TSHZ2: variants seen among roughly 807,000 people sequenced by gnomAD.
TSHZ2 encodes the protein teashirt zinc finger homeobox 2.
In TSHZ2, 21 loss-of-function variants were observed where a neutral mutation model predicts 74.4. The ratio of observed to expected loss-of-function variants is 0.28; its 90% confidence interval spans 0.20 to 0.41. The LOEUF (loss-of-function observed/expected upper bound fraction) is 0.41. Among genes scored for constraint, TSHZ2 ranks in the 10% least tolerant of loss-of-function variants. The probability of loss-of-function intolerance (pLI) is 1.00; values close to 1 mark genes in which losing one functional copy is unlikely to be tolerated. For missense variants in TSHZ2, 1,244 were observed against 1,293.5 expected (o/e 0.96, Z 0.59); for synonymous variants, 540 against 515.3 (o/e 1.05, Z -0.65).
chr20:53,287,530 C>A lies in TSHZ2; in HGVS notation c.*8+30959C>A, dbSNP rs552911676. ...TGGGTTCAGAGGAATGAAACTGAAC[C>A]CACCGCATCCCACAGAGTGAGCAGC... On this transcript the variant is annotated intron_variant, in intron 2 of 2. Transcript: ENST00000371497. 1.6e-4 allele frequency among the ~76,000 whole-genome samples: 24 copies of A among 152,288 alleles called. No homozygotes were observed. In the South Asian group the frequency reaches 4.8e-3, roughly 30 times the overall value.
At chr20:53,169,976 T>A (rs915498095) in intron 1 of TSHZ2, among the ~76,000 whole-genome samples, 1 of 152,198 alleles carries the variant, frequency 6.6e-6, no homozygotes, top group Non-Finnish European at 1.5e-5. Context: ...ATATGCCCAT[T>A]TTTTCTGATC....
At chr20:53,468,688 CAAAAAAAAAAAA>C (rs1158529552) in intron 2 of TSHZ2, among the ~76,000 whole-genome samples, 6 of 65,410 alleles carry the variant, frequency 9.2e-5, no homozygotes, top group African/African-American at 2.1e-4. Flanking sequence ...CATTACGAGA[CAAAAAAAAAAAA>C]AAAAAAAAAC....
intron 1 of TSHZ2, among the ~76,000 whole-genome samples, chr20:53,203,891 C>T (rs1178501053): frequency 1.3e-5 from 2 of 151,910 alleles, no homozygotes; most frequent in Non-Finnish European, 2.9e-5. Context: ...GTCCCACATA[C>T]CACATGGGGC....
At chr20:53,050,124 T>TATATGTGTATATATATATAC (rs1409158633) in intron 1 of TSHZ2, among the ~76,000 whole-genome samples, 11 of 107,206 alleles carry the variant, frequency 1.0e-4, no homozygotes, top group South Asian at 2.9e-4. Context: ...TATATATATA[T>TATATGTGTATATATATATAC]ACACATATAT....
chr20:53,215,487 G>A (rs1343503385), intron 1 of TSHZ2, among the ~76,000 whole-genome samples: 1 of 150,820 alleles, frequency 6.6e-6, no homozygotes, highest in African/African-American at 2.4e-5. Context: ...TTCAGCTATG[G>A]TCTACAGTCA....
chr20:52,996,456 G>T (rs1220959731), intron 1 of TSHZ2, among the ~76,000 whole-genome samples: 1 of 151,876 alleles, frequency 6.6e-6, no homozygotes, highest in African/African-American at 2.4e-5. Context: ...TGAACAGGAG[G>T]AAAAAAATGA....
intron 1 of TSHZ2, among the ~76,000 whole-genome samples, chr20:53,108,445 T>C (rs1986441901): frequency 6.6e-6 from 1 of 152,166 alleles, no homozygotes; most frequent in Non-Finnish European, 1.5e-5. Flanking sequence ...AGGACTAGGT[T>C]TTTACAATTA....
At chr20:53,283,923 C>A (rs888656552) in intron 2 of TSHZ2, among the ~76,000 whole-genome samples, 1 of 152,190 alleles carries the variant, frequency 6.6e-6, no homozygotes, top group Non-Finnish European at 1.5e-5. Context: ...GAAACCTGTG[C>A]TCGCCTGCTC....
intron 2 of TSHZ2, among the ~76,000 whole-genome samples, chr20:53,350,100 C>G (rs760182351): frequency 5.3e-5 from 8 of 152,170 alleles, no homozygotes; most frequent in Non-Finnish European, 1.2e-4. Context: ...ATTGGGTCTG[C>G]CTGAATAATC....
At chr20:53,123,435 C>T (rs569542665) in intron 1 of TSHZ2, among the ~76,000 whole-genome samples, 13 of 152,276 alleles carry the variant, frequency 8.5e-5, no homozygotes, top group African/African-American at 1.9e-4. Flanking sequence ...GATTGACTAT[C>T]GGTTGGCTGA....
At chr20:53,169,536 T>C (rs1988141779) in intron 1 of TSHZ2, among the ~76,000 whole-genome samples, 1 of 152,220 alleles carries the variant, frequency 6.6e-6, no homozygotes, top group East Asian at 1.9e-4. Context: ...TCCAGCTCTC[T>C]TTTTTAACTA....
chr20:53,012,013 C>T (rs1417015587), intron 1 of TSHZ2, among the ~76,000 whole-genome samples: 2 of 152,190 alleles, frequency 1.3e-5, no homozygotes, highest in Non-Finnish European at 2.9e-5. Context: ...TTATGCTAGT[C>T]AGTGATACAG....
intron 2 of TSHZ2, among the ~76,000 whole-genome samples, chr20:53,407,266 C>T (rs1238113667): frequency 6.6e-6 from 1 of 152,170 alleles, no homozygotes; most frequent in Non-Finnish European, 1.5e-5. Context: ...GCCCCCAATC[C>T]ACCCACCAAG....
intron 1 of TSHZ2, among the ~76,000 whole-genome samples, chr20:53,216,299 G>T (rs1001362232): frequency 6.6e-6 from 1 of 152,086 alleles, no homozygotes; most frequent in East Asian, 1.9e-4. Context: ...AGCCATTGTT[G>T]GCTCCTAAGC....
At chr20:53,133,517 A>G (rs1408462675) in intron 1 of TSHZ2, among the ~76,000 whole-genome samples, 1 of 152,246 alleles carries the variant, frequency 6.6e-6, no homozygotes, top group African/African-American at 2.4e-5. Flanking sequence ...AAAGAAAATC[A>G]AACCGCCAGA....
intron 1 of TSHZ2, among the ~76,000 whole-genome samples, chr20:52,997,958 T>C (rs1982268477): frequency 6.6e-6 from 1 of 152,182 alleles, no homozygotes; most frequent in Non-Finnish European, 1.5e-5. Flanking sequence ...TCATTAGAAA[T>C]GCAGATTCTC....
intron 2 of TSHZ2, among the ~76,000 whole-genome samples, chr20:53,383,432 G>C (rs1981930486): frequency 6.6e-6 from 1 of 152,014 alleles, no homozygotes; most frequent in African/African-American, 2.4e-5. Context: ...CATAGGGGTG[G>C]ATAAATCCAT....
chr20:53,114,667 C>T (rs1028360138), intron 1 of TSHZ2, among the ~76,000 whole-genome samples: 1 of 152,076 alleles, frequency 6.6e-6, no homozygotes, highest in African/African-American at 2.4e-5. Flanking sequence ...GGATCTTCCC[C>T]AAATGGCTGC....
chr20:53,241,137 TC>T (rs778802673), intron 1 of TSHZ2, among the ~76,000 whole-genome samples: 1 of 152,188 alleles, frequency 6.6e-6, no homozygotes, highest in African/African-American at 2.4e-5. Flanking sequence ...GAAATATCAT[TC>T]TTAAACTAGC....
Sources: gnomAD v4.1 joint callset for allele counts (sites outside exome capture counted in the v4.1 genomes callset) on GRCh38, gnomAD v4.1.1 for gene constraint, MANE v1.5 for transcripts, NCBI Gene and HGNC (gene_info 2026-07-23, HGNC 2026-07-21) for gene names.